The following HERC6 variants were observed in gnomAD, a reference collection of about 807,000 sequenced individuals.
HERC6 encodes the protein HECT and RLD domain containing E3 ubiquitin protein ligase family member 6.
Under a neutral mutation model 114.5 loss-of-function variants are expected in HERC6, and 101 were observed. That is an observed-to-expected ratio of 0.88 (90% CI 0.75 to 1.04). The LOEUF is 1.04. Among genes scored for constraint, HERC6 ranks in the 50% least tolerant of loss-of-function variants. HERC6 has a pLI of 0.00. For missense variants in HERC6, 1,133 were observed against 1,230.9 expected, an observed-to-expected ratio of 0.92 and a Z score of 1.19; for synonymous variants, 408 against 436.2, an observed-to-expected ratio of 0.94 and a Z score of 0.81.
At chr4:88,417,890 G>GA (rs374044663) in intron 13 of HERC6, among the ~76,000 whole-genome samples, 1 of 151,844 alleles carries the variant, frequency 6.6e-6, no homozygotes, top group African/African-American at 2.4e-5. Context: ...AGGCTGCAGT[G>GA]AGCTATGATT....
rs1368065085 is a variant in HERC6, at chr4:88,396,847, G to A, written c.888-4G>A. 2 of 1,566,358 alleles carry A rather than the reference G, an allele frequency of 1.3e-6. No homozygotes were observed. Among genetic ancestry groups the A allele is most frequent in the Admixed American group, 1.8e-5 (1 of 54,700 alleles). On this transcript the variant is annotated splice_region_variant and splice_polypyrimidine_tract_variant and intron_variant, in intron 6 of 22. Transcript: ENST00000264346. ...TTCATTATGGTGTATTCTCTTTCCT[G>A]TAGTTATCACACCCTGGCATATGTG...
intron 22 of HERC6, 61 bp downstream of exon 22, chr4:88,440,311 G>A: frequency 1.0e-6 from 1 of 1,001,996 alleles, no homozygotes; most frequent in Admixed American, 2.3e-5. Context: ...GTACAGTCTT[G>A]TTTAGAATGA....
At chr4:88,417,629 C>T in intron 13 of HERC6, 50 bp downstream of exon 13, 6 of 1,496,816 alleles carry the variant, frequency 4.0e-6, no homozygotes, top group Non-Finnish European at 5.4e-6. Context: ...TAATCAAAAT[C>T]CCTTAAGTCT....
In HERC6 at chr4:88,409,615, G is replaced by T. The variant is rs72879365; in HGVS notation, c.1368+998G>T. 2.6e-3 allele frequency among the ~76,000 whole-genome samples: 397 copies of T among 152,270 alleles called. 1 individual carries two copies. The highest frequency in any genetic ancestry group is 8.8e-3 in the African/African-American group (366 of 41,560). ...AAAAGAGCATTGGTTTGGGAAGCAG[G>T]ATAACCTTATCCTGGACTGATCAAC... On this transcript the variant is annotated intron_variant, in intron 11 of 22. Coordinates refer to ENST00000264346, the MANE Select transcript of HERC6 (RefSeq NM_017912.4).
intron 17 of HERC6, 95 bp downstream of exon 17, chr4:88,431,400 A>G: frequency 7.3e-7 from 1 of 1,366,168 alleles, no homozygotes; most frequent in South Asian, 1.5e-5. Flanking sequence ...AAATTAGGTC[A>G]TATAGAGCTT....
At position 88,390,643 on chromosome 4, in the gene HERC6, T is replaced by C; in HGVS notation, c.437-9T>C. On this transcript the variant is annotated splice_polypyrimidine_tract_variant and intron_variant, in intron 3 of 22. Transcript: ENST00000264346. ...GTGTACAATTCTTAATTTCTCGTCT[T>C]TGTTGTAGATAGCCAAGTGTTTTCG... 2 of 1,586,892 alleles carry C rather than the reference T, an allele frequency of 1.3e-6. No individual in the cohort carries two copies. The highest frequency in any genetic ancestry group is 1.7e-6 in the Non-Finnish European group (2 of 1,160,870).
intron 13 of HERC6, among the ~76,000 whole-genome samples, chr4:88,423,055 C>G (rs1464145648): frequency 6.7e-6 from 1 of 148,320 alleles, no homozygotes; most frequent in Non-Finnish European, 1.5e-5. Context: ...ATTCTTGATA[C>G]TGGTTTTTTT....
intron 3 of HERC6, among the ~76,000 whole-genome samples, chr4:88,387,713 A>C (rs1413585216): frequency 6.6e-6 from 1 of 152,228 alleles, no homozygotes; most frequent in African/African-American, 2.4e-5. Flanking sequence ...GAATATTGAT[A>C]CCTAACTTGA....
chr4:88,380,882 A>G (rs993992912), intron 1 of HERC6, among the ~76,000 whole-genome samples: 2 of 152,010 alleles, frequency 1.3e-5, no homozygotes, highest in African/African-American at 4.8e-5. Flanking sequence ...TTCTATGTAC[A>G]TATTTAATCT....
rs547316312 is a variant in HERC6 at position 88,386,685 on chromosome 4, C to T, written c.436+1110C>T. ...TATATAGGGAAACCAATGGAAGATA[C>T]GGGATATTTTAGTAAGATTCGTTTC... On this transcript the variant is annotated intron_variant, in intron 3 of 22. Transcript: ENST00000264346. Among the ~76,000 whole-genome samples, 15 of 152,206 alleles carry T rather than the reference C, an allele frequency of 9.9e-5. 1 individual carries two copies. In the South Asian group the frequency reaches 1.9e-3, roughly 19 times the overall value.
rs766819225 is a variant in HERC6, at chr4:88,435,889, G to A, written c.2415G>A (p.Gly805=). ...EDLKELSPRL[G]KSLQEVLDDA... ...TAAAAGAACTCAGTCCTCGGTTGGG[G>A]AAGTAAGTAAATATAACGTTTTTTC... is the stretch of plus-strand genomic sequence containing the variant. The change falls in exon 18 of 23, where the codon GGG becomes GGA. Residue 805 remains glycine, a splice_region_variant and synonymous_variant. Transcript: ENST00000264346. 4 of 1,597,654 alleles carry A rather than the reference G, an allele frequency of 2.5e-6. No homozygotes were observed. The Admixed American group carries it at 7.1e-5, about 28-fold the overall frequency.
chr4:88,433,116 C>G (rs1372525344), intron 17 of HERC6, among the ~76,000 whole-genome samples: 2 of 152,046 alleles, frequency 1.3e-5, no homozygotes, highest in Admixed American at 6.6e-5. Flanking sequence ...AAAAATTTGT[C>G]TTCATTTCTG....
Position 88,424,097 on chromosome 4 carries a change from T to C in HERC6, c.1827+124T>C, listed in dbSNP as rs527766365. On this transcript the variant is annotated intron_variant, in intron 14 of 22. Transcript: ENST00000264346. ...AAAATTTTTTAATTGCAATGATAAA[T>C]TTGCTAAATTTGATGATCACTGAAA... is the stretch of plus-strand genomic sequence containing the variant. 8.9e-6 allele frequency: 5 copies of C among 558,730 alleles called. No homozygotes were observed. In the East Asian group the frequency reaches 1.4e-4, roughly 15 times the overall value. 34.6% of individuals were successfully genotyped at this position (558,730 alleles called of 1,614,324 possible).
rs998255030 is a variant in HERC6, at chr4:88,379,650, A to G, written c.199+530A>G. ...TATATATATATAAAAATATATATAT[A>G]AAATATATAAATATATATAATATAT... On this transcript the variant is annotated intron_variant, in intron 1 of 22. Transcript: ENST00000264346. Among the ~76,000 whole-genome samples the G allele has an allele frequency of 6.8e-5, 8 of 118,060 alleles. No homozygotes were observed. In the Admixed American group the frequency reaches 9.8e-4, roughly 14 times the overall value. 77.5% of individuals were successfully genotyped at this position (118,060 alleles called of 152,430 possible).
At chr4:88,398,619 A>G (rs1735374051) in intron 8 of HERC6, 1 of 157,038 alleles carries the variant, frequency 6.4e-6, no homozygotes, top group Non-Finnish European at 1.4e-5. Flanking sequence ...CTTCAGTAGG[A>G]GGATTGCCAT....
intron 11 of HERC6, among the ~76,000 whole-genome samples, chr4:88,409,539 A>G (rs1177426025): frequency 1.3e-5 from 2 of 152,258 alleles, no homozygotes; most frequent in East Asian, 3.8e-4. Context: ...TTTATTTTCA[A>G]TATAATCAGA....
intron 13 of HERC6, among the ~76,000 whole-genome samples, chr4:88,420,027 C>T (rs949486190): frequency 1.3e-5 from 2 of 151,986 alleles, no homozygotes; most frequent in African/African-American, 4.8e-5. Context: ...CCTCTGCTCT[C>T]TCTCTCTCTC....
At position 88,379,070 on chromosome 4, in the gene HERC6, A is replaced by T. The variant is rs777430794; in HGVS notation, c.149A>T (p.Asn50Ile). 6.4e-7 allele frequency: 1 copy of T among 1,552,850 alleles called. No individual in the cohort carries two copies. Among genetic ancestry groups the T allele is most frequent in the Non-Finnish European group, 8.7e-7 (1 of 1,149,878 alleles). The stretch of plus-strand genomic sequence containing the variant: ...CACAGGGTCCTCTCGTGCGGAGACA[A>T]CAGCAGGGGTCAGCTGGGCCGCAGG... ...TNHRVLSCGD[N>I]SRGQLGRRGA... is the part of the protein sequence containing the mutation. Residue 50 changes from asparagine (N) to isoleucine (I), a missense_variant, in exon 1 of 23, where the codon AAC becomes ATC. Around this residue, in one of 3 missense-constraint regions of HERC6, gnomAD observed 735 missense variants for 754.0 expected, o/e 0.97. Transcript: ENST00000264346.
intron 16 of HERC6, among the ~76,000 whole-genome samples, chr4:88,429,875 A>G (rs1407553392): frequency 6.6e-6 from 1 of 152,226 alleles, no homozygotes; most frequent in African/African-American, 2.4e-5. Context: ...AGAGATGACC[A>G]AGGGGTAAAA....
Sources: gnomAD v4.1 joint callset for allele counts (sites outside exome capture counted in the v4.1 genomes callset) on GRCh38, gnomAD v4.1.1 for gene constraint, gnomAD v4.1.1 regional missense constraint, MANE v1.5 for transcripts, NCBI Gene and HGNC (gene_info 2026-07-23, HGNC 2026-07-21) for gene names.